The following ARHGEF3 variants were observed in gnomAD, a reference collection of about 807,000 sequenced individuals.
The protein encoded by ARHGEF3 is Rho guanine nucleotide exchange factor 3.
ARHGEF3 carries 28 observed loss-of-function variants against 63.2 expected under a neutral mutation model. The observed-to-expected ratio is 0.44, with a 90% confidence interval of 0.33 to 0.61. ARHGEF3 has a LOEUF of 0.61. Ranked by LOEUF, ARHGEF3 falls within the 20% of genes least tolerant of loss-of-function variation. The pLI is 0.03. For missense variants in ARHGEF3, 533 were observed against 659.3 expected, an observed-to-expected ratio of 0.81 and a Z score of 2.10; for synonymous variants, 266 against 254.2, an observed-to-expected ratio of 1.05 and a Z score of -0.44.
At chr3:57,073,752 G>A (rs779561078) in intron 1 of ARHGEF3, 4 of 1,614,210 alleles carry the variant, frequency 2.5e-6, no homozygotes, top group Admixed American at 3.3e-5. Flanking sequence ...AGACACCTGG[G>A]AAATGAAGGC....
At chr3:57,030,649 A>G (rs1056306141) in intron 2 of ARHGEF3, among the ~76,000 whole-genome samples, 4 of 152,178 alleles carry the variant, frequency 2.6e-5, no homozygotes, top group Non-Finnish European at 5.9e-5. Flanking sequence ...TCTCCTTTGC[A>G]CCTGAGGAAA....
chr3:57,052,588 C>G (rs1017875634), intron 1 of ARHGEF3, among the ~76,000 whole-genome samples: 3 of 151,864 alleles, frequency 2.0e-5, no homozygotes, highest in Admixed American at 6.6e-5. Flanking sequence ...TGAGCCACCC[C>G]ACTCAGCCAG....
In ARHGEF3 at chr3:56,884,419, G is replaced by A. The variant is rs955269978; in HGVS notation, c.130-2065C>T. ...GCTCTTTTTGTTAAGCAGCTACCTA[G>A]ATATTTAAAATTCCAAAGGTCAATA... is the stretch of plus-strand genomic sequence containing the variant. On this transcript the variant is annotated intron_variant, in intron 3 of 12. Transcript: ENST00000338458. Among the ~76,000 whole-genome samples, 4 of 152,192 alleles carry A rather than the reference G, an allele frequency of 2.6e-5. No individual in the cohort carries two copies. The East Asian group carries it at 7.7e-4, about 29-fold the overall frequency.
At chr3:56,961,624 C>CTG (rs149033554) in intron 2 of ARHGEF3, among the ~76,000 whole-genome samples, 17,697 of 152,168 alleles carry the variant, frequency 0.12, 1,264 homozygotes, top group East Asian at 0.25. Flanking sequence ...TTAAGTGTCC[C>CTG]TGTCAGCTGG....
chr3:56,879,677 T>C (rs1364076253), intron 4 of ARHGEF3, among the ~76,000 whole-genome samples: 3 of 151,356 alleles, frequency 2.0e-5, no homozygotes, highest in Non-Finnish European at 4.4e-5. Flanking sequence ...TACTTTCCAC[T>C]ACACATAGAA....
intron 2 of ARHGEF3, among the ~76,000 whole-genome samples, chr3:57,002,424 CTATA>C (rs55778548): frequency 4.8e-5 from 3 of 62,772 alleles, no homozygotes; most frequent in Non-Finnish European, 1.0e-4. Flanking sequence ...GTTCTAAGCA[CTATA>C]TATATATATA....
chr3:57,014,885 C>G (rs891996408), intron 2 of ARHGEF3, among the ~76,000 whole-genome samples: 10 of 152,116 alleles, frequency 6.6e-5, no homozygotes, highest in African/African-American at 2.4e-4. Context: ...CGGGGTTTCA[C>G]CGTGTTAGCC....
At chr3:56,949,628 A>G (rs549134505) in intron 3 of ARHGEF3, among the ~76,000 whole-genome samples, 1 of 152,202 alleles carries the variant, frequency 6.6e-6, no homozygotes, top group Non-Finnish European at 1.5e-5. Context: ...ATGAAATAAA[A>G]GAGGACACAA....
intron 2 of ARHGEF3, among the ~76,000 whole-genome samples, chr3:56,994,201 A>G (rs770089737): frequency 3.9e-5 from 6 of 151,958 alleles, no homozygotes; most frequent in Admixed American, 3.3e-4. Context: ...AAATGATACA[A>G]CTCTACATGA....
At chr3:56,885,184 A>C (rs1011199272) in intron 3 of ARHGEF3, among the ~76,000 whole-genome samples, 2 of 152,156 alleles carry the variant, frequency 1.3e-5, no homozygotes, top group African/African-American at 4.8e-5. Context: ...TGCCTAGAGT[A>C]ACCCCATGCC....
intron 1 of ARHGEF3, among the ~76,000 whole-genome samples, chr3:56,781,372 G>A (rs1253858553): frequency 6.6e-6 from 1 of 151,412 alleles, no homozygotes; most frequent in African/African-American, 2.4e-5. Flanking sequence ...TCAGCCTCCC[G>A]AGTAGCTGGG....
intron 2 of ARHGEF3, among the ~76,000 whole-genome samples, chr3:56,764,068 A>G (rs2035569551): frequency 1.4e-5 from 1 of 69,490 alleles, no homozygotes; most frequent in African/African-American, 3.5e-5. Context: ...AAACCATGGT[A>G]AAAGGGCACC....
At chr3:56,850,359 T>C (rs1335779823) in intron 4 of ARHGEF3, among the ~76,000 whole-genome samples, 1 of 152,192 alleles carries the variant, frequency 6.6e-6, no homozygotes, top group Non-Finnish European at 1.5e-5. Context: ...TGAAACCTTG[T>C]CTCTACTAAA....
At position 56,771,027 on chromosome 3, in the gene ARHGEF3, C is replaced by T. The variant is rs1163220501; in HGVS notation, c.204+2682G>A. On this transcript the variant is annotated intron_variant, in intron 2 of 9. Coordinates refer to ENST00000296315, the MANE Select transcript of ARHGEF3 (RefSeq NM_019555.3). ...ATTTGAGAGGCTGAGGCAGGAGAAT[C>T]GCTTGAACCCGAGAGGTGGAGGTTG... Among the ~76,000 whole-genome samples the T allele has an allele frequency of 2.6e-5, 4 of 151,558 alleles. 1 individual carries two copies. The South Asian group carries it at 8.3e-4, about 32-fold the overall frequency.
At chr3:56,756,880 T>G (rs1336761296) in intron 2 of ARHGEF3, among the ~76,000 whole-genome samples, 1 of 152,178 alleles carries the variant, frequency 6.6e-6, no homozygotes, top group Non-Finnish European at 1.5e-5. Flanking sequence ...GCCCTCGGGA[T>G]GTAACTCAAA....
At chr3:57,029,196 C>T (rs1429971276) in intron 2 of ARHGEF3, among the ~76,000 whole-genome samples, 3 of 152,088 alleles carry the variant, frequency 2.0e-5, no homozygotes, top group Non-Finnish European at 4.4e-5. Context: ...TTTGGGAGGC[C>T]GAGGCAGGCA....
intron 1 of ARHGEF3, among the ~76,000 whole-genome samples, chr3:56,798,104 T>C (rs2037461410): frequency 6.6e-6 from 1 of 152,214 alleles, no homozygotes; most frequent in Admixed American, 6.5e-5. Context: ...ATGGTAGACA[T>C]AGAAAAGGAG....
intron 3 of ARHGEF3, among the ~76,000 whole-genome samples, chr3:56,916,134 G>A (rs2041982351): frequency 1.3e-5 from 2 of 152,170 alleles, no homozygotes; most frequent in Admixed American, 1.3e-4. Flanking sequence ...ACGAAAGTGA[G>A]GCGGGAATCT....
intron 3 of ARHGEF3, among the ~76,000 whole-genome samples, chr3:56,913,892 C>T (rs1181453538): frequency 1.3e-5 from 2 of 152,112 alleles, no homozygotes; most frequent in Non-Finnish European, 2.9e-5. Flanking sequence ...ACCCATCAAT[C>T]GAGGAGTGGA....
Sources: allele counts gnomAD v4.1 joint callset (sites outside exome capture counted in the v4.1 genomes callset), GRCh38; gene constraint gnomAD v4.1.1; transcripts MANE v1.5; gene names NCBI Gene and HGNC (gene_info 2026-07-23, HGNC 2026-07-21).